The following SZT2 variants were observed in gnomAD, a reference collection of about 807,000 sequenced individuals.
SZT2 encodes SZT2 subunit of KICSTOR complex.
In SZT2, 216 loss-of-function variants were observed where a neutral mutation model predicts 404.2. The observed-to-expected ratio is 0.53, with a 90% CI of 0.48 to 0.60. The LOEUF (loss-of-function observed/expected upper bound fraction) is 0.60, where lower values mean the gene tolerates loss of function less well. SZT2 is among the 20% of genes least tolerant of loss of function. The pLI, the probability that SZT2 is intolerant of heterozygous loss-of-function variation, is 0.00. For synonymous variants in SZT2, 1,693 were observed against 1,749.9 expected (o/e 0.97, Z 0.81); for missense variants, 3,857 against 4,459.2 (o/e 0.86, Z 3.85).
rs1553158727 is a variant in SZT2 at position 43,453,834 on chromosome 1, A to AGGCAGCG, written c.*3357_*3358insAGCGGGC. The AGGCAGCG allele has an allele frequency of 1.7e-6, 2 of 1,194,100 alleles. No homozygotes were observed. Among genetic ancestry groups the AGGCAGCG allele is most frequent in the African/African-American group, 3.2e-5 (2 of 61,862 alleles). The allele number at this position is 1,194,100 out of a possible 1,614,324, so 74.0% of individuals were successfully genotyped here. On this transcript the variant is annotated 3_prime_UTR_variant, in exon 72 of 72. Coordinates refer to ENST00000634258, the MANE Select transcript of SZT2 (RefSeq NM_001365999.1). Reference sequence around the variant, plus strand: ...GCCGGGCGGAGTCCGCGGGATCCAAAGGCGGCGGGCGGCGGGCGGCGGGCG... The same window carrying AGGCAGCG: ...GCCGGGCGGAGTCCGCGGGATCCAAAGGCAGCGGGCGGCGGGCGGCGGGCGGCGGGCG...
rs1651045326 is a variant in SZT2, at chr1:43,411,574, G to A, written c.499-3508G>A. Among the ~76,000 whole-genome samples the A allele has an allele frequency of 2.0e-5, 3 of 152,294 alleles. No individual in the cohort carries two copies. In the South Asian group the frequency reaches 6.2e-4, roughly 32 times the overall value. On this transcript the variant is annotated intron_variant, in intron 4 of 71. Coordinates refer to ENST00000634258, the MANE Select transcript of SZT2 (RefSeq NM_001365999.1). The stretch of plus-strand genomic sequence containing the variant: ...CCCCTTTGAGATTGGGCAGGAACCA[G>A]AAGAACAGTTTCTCTGCTTTGCCAT...
At chr1:43,433,273 T>C in intron 40 of SZT2, 83 bp downstream of exon 40, 1 of 1,469,632 alleles carries the variant, frequency 6.8e-7, no homozygotes, top group African/African-American at 1.4e-5. Flanking sequence ...CCAGTGTTGT[T>C]AGAAGTAAGA....
Position 43,452,105 on chromosome 1 carries a change from G to T in SZT2, c.*1625G>T, listed in dbSNP as rs908289652. ...GGTCAAGGCCCTCACCTGTTCCTCT[G>T]ACCTAGGCTGGCAGCCTCACGTGCT... On this transcript the variant is annotated 3_prime_UTR_variant, in exon 72 of 72. Coordinates refer to ENST00000634258, the MANE Select transcript of SZT2 (RefSeq NM_001365999.1). 2.7e-6 allele frequency: 4 copies of T among 1,509,308 alleles called. No homozygotes were observed. In the African/African-American group the frequency reaches 5.5e-5, roughly 21 times the overall value. 93.5% of individuals were successfully genotyped at this position (1,509,308 alleles called of 1,614,324 possible).
At position 43,420,864 on chromosome 1, in the gene SZT2, G is replaced by A. The variant is rs1215596138; in HGVS notation, c.1377G>A (p.Val459=). ...LEPEGPRVTR[V]EVTMEGGYDI... ...CTGAGGGCCCTCGAGTAACACGGGT[G>A]GAAGTGACGATGGAAGGCGGCTACG... Residue 459 remains valine, a synonymous_variant, in exon 10 of 72, where the codon GTG becomes GTA. Coordinates refer to ENST00000634258, the MANE Select transcript of SZT2 (RefSeq NM_001365999.1). The surrounding 1 kb of genome is among the most constrained non-coding windows in gnomAD (Gnocchi z 5.1). 1.9e-6 allele frequency: 3 copies of A among 1,598,478 alleles called. No individual in the cohort carries two copies. Among genetic ancestry groups the A allele is most frequent in the Admixed American group, 1.7e-5 (1 of 60,024 alleles).
Position 43,439,162 on chromosome 1 carries a change from T to C in SZT2, c.6792+69T>C, listed in dbSNP as rs1570703093. On this transcript the variant is annotated intron_variant, in intron 48 of 71. Coordinates refer to ENST00000634258, the MANE Select transcript of SZT2 (RefSeq NM_001365999.1). The surrounding 1 kb of genome is among the most constrained non-coding windows in gnomAD (Gnocchi z 4.2). Reference sequence around the variant, plus strand: ...CCCCCTGCCCCACGCACTTACTCTTTCCTACCGATACCCCTATATGTACCT... The same window carrying C: ...CCCCCTGCCCCACGCACTTACTCTTCCCTACCGATACCCCTATATGTACCT... 1.2e-6 allele frequency: 2 copies of C among 1,601,366 alleles called. No individual in the cohort carries two copies. The highest frequency in any genetic ancestry group is 1.7e-6 in the Non-Finnish European group (2 of 1,171,516).
At chr1:43,398,017 A>T (rs1649210298) in intron 1 of SZT2, among the ~76,000 whole-genome samples, 1 of 152,194 alleles carries the variant, frequency 6.6e-6, no homozygotes, top group South Asian at 2.1e-4. Context: ...CTGTCCTTAT[A>T]GTGCTGACCC....
rs781722131 is a variant in SZT2, at chr1:43,432,597, A to T, written c.5523A>T (p.Pro1841=). Residue 1841 remains proline (P), a synonymous_variant, in exon 38 of 72, where the codon CCA becomes CCT. Transcript: ENST00000634258. ...GVPLISLPRV[P]QGGSQPGPSR... is the part of the protein sequence containing the mutation. The stretch of plus-strand genomic sequence containing the variant: ...CCCTCATCAGCCTGCCCCGCGTGCC[A>T]CAGGGAGGTAAGAGAGGACTTGGGC... 3.5e-5 allele frequency: 57 copies of T among 1,613,754 alleles called. 1 individual carries two copies. The highest frequency in any genetic ancestry group is 2.0e-4 in the Admixed American group (12 of 59,986).
In SZT2 at chr1:43,428,427, C is replaced by T; in HGVS notation, c.4107C>T (p.Ser1369=). The part of the protein sequence containing the change: ...SPGPLSPGPF[S]SSMEEGAEPR... Reference sequence around the variant, plus strand: ...GTCCTCTCAGCCCTGGGCCCTTCAGCAGCAGCATGGAGGAGGGTGCTGAAC... The same window carrying T: ...GTCCTCTCAGCCCTGGGCCCTTCAGTAGCAGCATGGAGGAGGGTGCTGAAC... Residue 1369 remains serine (S), a synonymous_variant, in exon 28 of 72, where the codon AGC becomes AGT. Coordinates refer to ENST00000634258, the MANE Select transcript of SZT2 (RefSeq NM_001365999.1). 1 of 1,614,192 alleles carries T rather than the reference C, an allele frequency of 6.2e-7. No individual in the cohort carries two copies. The highest frequency in any genetic ancestry group is 8.5e-7 in the Non-Finnish European group (1 of 1,180,026).
chr1:43,425,199 C>T lies in SZT2; in HGVS notation c.2637C>T (p.Thr879=). Residue 879 remains threonine, a synonymous_variant, in exon 18 of 72, where the codon ACC becomes ACT. Transcript: ENST00000634258. This position sits in a 1 kb window ranked among gnomAD's most constrained non-coding sequence, Gnocchi z 4.3. ...TCTTCCCCCCACACTCTACCTCCAC[C>T]AAAGACAGGTGAGACAGGCCATCTG... is the stretch of plus-strand genomic sequence containing the variant. ...YILFPPHSTS[T]KDSFSTDDDN... is the part of the protein sequence containing the mutation. 1 of 1,614,190 alleles carries T rather than the reference C, an allele frequency of 6.2e-7. No individual in the cohort carries two copies. The highest frequency in any genetic ancestry group is 8.5e-7 in the Non-Finnish European group (1 of 1,180,030).
chr1:43,444,827 T>G (rs1353290903), intron 62 of SZT2, among the ~76,000 whole-genome samples: 1 of 152,244 alleles, frequency 6.6e-6, no homozygotes, highest in East Asian at 1.9e-4. Flanking sequence ...GCTACTTTCG[T>G]GTCTCCAGAT....
intron 28 of SZT2, 193 bp from the exon 29 acceptor site, chr1:43,429,508 AAG>A: frequency 1.6e-6 from 1 of 611,940 alleles, no homozygotes; most frequent in Non-Finnish European, 2.8e-6. Flanking sequence ...GGAAAGAAAA[AAG>A]AAAAAGAAAT....
Position 43,452,132 on chromosome 1 carries a change from TC to T in SZT2, c.*1656del. 1 of 1,492,146 alleles carries T rather than the reference TC, an allele frequency of 6.7e-7. No individual in the cohort carries two copies. The highest frequency in any genetic ancestry group is 1.2e-5 in the South Asian group (1 of 86,484). The allele number at this position is 1,492,146 out of a possible 1,614,324, so 92.4% of individuals were successfully genotyped here. ...CCTAGGCTGGCAGCCTCACGTGCTG[TC>T]CCCACTGTGCACCCCCTTCTCCGCA... On this transcript the variant is annotated 3_prime_UTR_variant, in exon 72 of 72. Coordinates refer to ENST00000634258, the MANE Select transcript of SZT2 (RefSeq NM_001365999.1).
chr1:43,405,086 C>G (rs1361490725), intron 4 of SZT2: 1 of 152,598 alleles, frequency 6.6e-6, no homozygotes, highest in African/African-American at 2.4e-5. Flanking sequence ...TCACTGCAAC[C>G]TCCGCCTCCT....
intron 2 of SZT2, 79 bp downstream of exon 2, chr1:43,403,381 G>T (rs1649914747): frequency 6.5e-7 from 1 of 1,543,018 alleles, no homozygotes; most frequent in East Asian, 2.3e-5. Context: ...GAAACAGACA[G>T]GGTGGGAGAC....
At chr1:43,395,958 A>G (rs1423043532) in intron 1 of SZT2, among the ~76,000 whole-genome samples, 2 of 152,228 alleles carry the variant, frequency 1.3e-5, no homozygotes, top group Non-Finnish European at 2.9e-5. Context: ...TCACCATAAA[A>G]TAATAGGCTG....
In SZT2 at chr1:43,430,711, T is replaced by A; in HGVS notation, c.4696T>A (p.Phe1566Ile). The A allele has an allele frequency of 6.2e-7, 1 of 1,613,800 alleles. No homozygotes were observed. Among genetic ancestry groups the A allele is most frequent in the Non-Finnish European group, 8.5e-7 (1 of 1,180,032 alleles). ...CTTCCTTCATGACCTGCCACCGCTCTTCCTGCACCTCACGTGCTCCGTGCG... is the reference window on the plus strand; with the variant it reads ...CTTCCTTCATGACCTGCCACCGCTCATCCTGCACCTCACGTGCTCCGTGCG... Reference protein sequence around the residue: ...ESFLHDLPPLFLHLTCSVRLR... With the variant: ...ESFLHDLPPLILHLTCSVRLR... Residue 1566 changes from phenylalanine (F) to isoleucine (I), a missense_variant, in exon 32 of 72, where the codon TTC becomes ATC. Around this residue, in one of 7 missense-constraint regions of SZT2, gnomAD observed 1,725 missense variants for 1,881.0 expected, o/e 0.92. Transcript: ENST00000634258.
intron 4 of SZT2, among the ~76,000 whole-genome samples, chr1:43,411,333 G>A (rs1360071282): frequency 6.6e-6 from 1 of 152,222 alleles, no homozygotes; most frequent in Non-Finnish European, 1.5e-5. Context: ...GGGGCAGCTG[G>A]CAGTGTTGGC....
Position 43,447,978 on chromosome 1 carries a change from A to G in SZT2, c.9563+7A>G, listed in dbSNP as rs1248546911. On this transcript the variant is annotated splice_region_variant and intron_variant, in intron 68 of 71. Coordinates refer to ENST00000634258, the MANE Select transcript of SZT2 (RefSeq NM_001365999.1). ...CTGAGCGGCACGTTCTGCGGTCAGC[A>G]GATCCCCTACCTTGAACATGCCCAT... The G allele has an allele frequency of 6.2e-6, 10 of 1,613,804 alleles. No individual in the cohort carries two copies. The highest frequency in any genetic ancestry group is 8.5e-6 in the Non-Finnish European group (10 of 1,180,000).
intron 3 of SZT2, 128 bp from the exon 4 acceptor site, chr1:43,404,252 T>G (rs971151739): frequency 2.6e-6 from 2 of 764,544 alleles, no homozygotes; most frequent in African/African-American, 3.5e-5. Context: ...GTTCCATGTG[T>G]GGCACTGTAT....
Sources: allele counts gnomAD v4.1 joint callset (sites outside exome capture counted in the v4.1 genomes callset), GRCh38; gene constraint gnomAD v4.1.1; regional missense constraint gnomAD v4.1.1; non-coding constraint Gnocchi (gnomAD v3.1); transcripts MANE v1.5; gene names NCBI Gene and HGNC (gene_info 2026-07-23, HGNC 2026-07-21).